RSPH14: variants seen among roughly 807,000 people sequenced by gnomAD.
The protein encoded by RSPH14 is rhabdoid tumor deletion region gene 1.
A neutral mutation model predicts 26.7 loss-of-function variants in RSPH14; 20 were observed. The observed-to-expected ratio is 0.75, with a 90% CI of 0.53 to 1.09. The LOEUF is 1.09. Among genes scored for constraint, RSPH14 ranks in the 50% least tolerant of loss-of-function variants. The probability of loss-of-function intolerance (pLI) is 0.00; values close to 1 mark genes in which losing one functional copy is unlikely to be tolerated. For synonymous variants in RSPH14, 177 were observed against 189.3 expected (o/e 0.93, Z 0.53); for missense variants, 449 against 457.2 (o/e 0.98, Z 0.16).
intron 4 of RSPH14, among the ~76,000 whole-genome samples, chr22:23,086,857 GCTC>G (rs1248871373): frequency 6.6e-6 from 1 of 152,218 alleles, no homozygotes; most frequent in Non-Finnish European, 1.5e-5. Context: ...AGGACACCTG[GCTC>G]CTCAGCAACA....
chr22:23,166,127 C>T, the RSPH14 span, among the ~76,000 whole-genome samples: 2 of 108,964 alleles, frequency 1.8e-5, no homozygotes, highest in East Asian at 3.2e-4. Context: ...GCCTGGGTGA[C>T]GGAGTGAGAC....
upstream of RSPH14, chr22:23,145,515 A>G: frequency 2.5e-6 from 4 of 1,604,982 alleles, no homozygotes; most frequent in Non-Finnish European, 3.4e-6. Context: ...CAGGCGGACC[A>G]GGCCGCGCGG....
the RSPH14 span, among the ~76,000 whole-genome samples, chr22:23,167,068 A>G: frequency 6.6e-6 from 1 of 151,994 alleles, no homozygotes; most frequent in South Asian, 2.1e-4. Flanking sequence ...GATGGGACAC[A>G]CCTGAGCACC....
chr22:23,165,570 C>T, the RSPH14 span, among the ~76,000 whole-genome samples: 2 of 152,194 alleles, frequency 1.3e-5, no homozygotes, highest in African/African-American at 2.4e-5. Flanking sequence ...AATTGGACTT[C>T]GGGCAGAAAA....
At chr22:23,078,597 A>T (rs1405109234) in intron 4 of RSPH14, among the ~76,000 whole-genome samples, 1 of 152,076 alleles carries the variant, frequency 6.6e-6, no homozygotes, top group Non-Finnish European at 1.5e-5. Flanking sequence ...TGGAATGGAT[A>T]GAGGAGGTGT....
At chr22:23,130,723 T>A (rs1043127035) in intron 4 of RSPH14, among the ~76,000 whole-genome samples, 2 of 152,120 alleles carry the variant, frequency 1.3e-5, no homozygotes, top group African/African-American at 4.8e-5. Flanking sequence ...GGCAACAGAA[T>A]GAACACACTC....
chr22:23,140,371 G>C lies in RSPH14; in HGVS notation c.50C>G (p.Thr17Ser). The change falls in exon 2 of 7, where the codon ACC becomes AGC. Residue 17 changes from threonine to serine, a missense_variant. Thr to Ser is a moderately conservative substitution (Grantham distance 58, BLOSUM62 1). Coordinates refer to ENST00000216036, the MANE Select transcript of RSPH14 (RefSeq NM_014433.3). ...ATGGCCATAGGCAGTGGTAATCTGG[G>C]TGGCATTGATGTTAATGGGAAGCTC... ...SLELPININATQITTAYGHRA... is the reference protein window; with the variant it reads ...SLELPININASQITTAYGHRA... 1 of 1,614,230 alleles carries C rather than the reference G, an allele frequency of 6.2e-7. No individual in the cohort carries two copies. Among genetic ancestry groups the C allele is most frequent in the Non-Finnish European group, 8.5e-7 (1 of 1,180,042 alleles).
At chr22:23,123,036 T>G (rs1376942085) in intron 4 of RSPH14, 1 of 1,237,792 alleles carries the variant, frequency 8.1e-7, no homozygotes, top group Admixed American at 1.7e-5. Flanking sequence ...GTCTAGGGTC[T>G]GTCTCTGCCT....
chr22:23,135,746 G>A (rs541536596), intron 3 of RSPH14, among the ~76,000 whole-genome samples: 20 of 151,918 alleles, frequency 1.3e-4, no homozygotes, highest in Non-Finnish European at 2.4e-4. Flanking sequence ...TTTGTGTTTT[G>A]GGTTAAAATG....
the RSPH14 span, among the ~76,000 whole-genome samples, chr22:23,175,141 G>A: frequency 4.6e-5 from 7 of 151,024 alleles, no homozygotes; most frequent in South Asian, 4.2e-4. Flanking sequence ...GACTACAGAC[G>A]CCCACCACCA....
rs528902154 is a variant in RSPH14 at position 23,103,992 on chromosome 22, G to A, written c.421+30034C>T. On this transcript the variant is annotated intron_variant, in intron 4 of 6. Coordinates refer to ENST00000216036, the MANE Select transcript of RSPH14 (RefSeq NM_014433.3). ...GAACAGGTGCCTCCTCTGTCCCAAA[G>A]ACCAACATTTGCAGGAGAGACGGGG... 3.3e-5 allele frequency among the ~76,000 whole-genome samples: 5 copies of A among 152,306 alleles called. No individual in the cohort carries two copies. In the South Asian group the frequency reaches 1.0e-3, roughly 32 times the overall value.
chr22:23,157,091 C>T, the RSPH14 span, among the ~76,000 whole-genome samples: 1 of 152,198 alleles, frequency 6.6e-6, no homozygotes, highest in Non-Finnish European at 1.5e-5. Context: ...CCCAACAGGA[C>T]CGGGGTGCGG....
chr22:23,150,537 G>A, the RSPH14 span, among the ~76,000 whole-genome samples: 42 of 152,078 alleles, frequency 2.8e-4, no homozygotes, highest in African/African-American at 9.2e-4. Context: ...TCCTGACCTC[G>A]TGATCAGCCT....
the RSPH14 span, among the ~76,000 whole-genome samples, chr22:23,150,932 G>A: frequency 1.3e-5 from 2 of 152,196 alleles, no homozygotes; most frequent in Non-Finnish European, 2.9e-5. Context: ...CCAAGAGGGC[G>A]AGGGCTGTGT....
intron 4 of RSPH14, among the ~76,000 whole-genome samples, chr22:23,104,856 G>A (rs1350608479): frequency 6.6e-6 from 1 of 152,234 alleles, no homozygotes; most frequent in East Asian, 1.9e-4. Flanking sequence ...CTAGTTTCTG[G>A]AGGGATTGGA....
chr22:23,157,308 T>C, the RSPH14 span, among the ~76,000 whole-genome samples: 3 of 151,798 alleles, frequency 2.0e-5, no homozygotes, highest in Non-Finnish European at 4.4e-5. Context: ...TGGAGTGCAG[T>C]GGCGCAATCT....
chr22:23,125,231 A>G (rs1425862013), intron 4 of RSPH14, among the ~76,000 whole-genome samples: 1 of 151,934 alleles, frequency 6.6e-6, no homozygotes, highest in Non-Finnish European at 1.5e-5. Flanking sequence ...AACTGCAAAG[A>G]GGGGAAACCT....
At chr22:23,178,826 C>T in the RSPH14 span, among the ~76,000 whole-genome samples, 1 of 152,290 alleles carries the variant, frequency 6.6e-6, no homozygotes, top group Admixed American at 6.5e-5. Context: ...GTACCGTGGC[C>T]CACAGGACTG....
chr22:23,062,235 G>A (rs1392987425), intron 5 of RSPH14, among the ~76,000 whole-genome samples: 2 of 152,308 alleles, frequency 1.3e-5, no homozygotes, highest in Non-Finnish European at 1.5e-5. Flanking sequence ...CCCAAAATGG[G>A]GAACAGCAGG....
Sources: gnomAD v4.1 joint callset for allele counts (sites outside exome capture counted in the v4.1 genomes callset) on GRCh38, gnomAD v4.1.1 for gene constraint, MANE v1.5 for transcripts, NCBI Gene and HGNC (gene_info 2026-07-23, HGNC 2026-07-21) for gene names.